The following ZNF584 variants were observed in gnomAD, a reference collection of about 807,000 sequenced individuals.
The protein encoded by ZNF584 is zinc finger protein 584.
ZNF584 carries 12 observed loss-of-function variants against 14.7 expected under a neutral mutation model. The observed-to-expected ratio is 0.82, with a 90% CI of 0.52 to 1.32. The LOEUF (loss-of-function observed/expected upper bound fraction) is 1.32. Among genes scored for constraint, ZNF584 ranks in the 40% most tolerant of loss-of-function variants. The probability of loss-of-function intolerance (pLI) is 0.00; values close to 1 mark genes in which losing one functional copy is unlikely to be tolerated. For missense variants in ZNF584, 478 were observed against 518.8 expected, an observed-to-expected ratio of 0.92 and a Z score of 0.76; for synonymous variants, 204 against 190.9, an observed-to-expected ratio of 1.07 and a Z score of -0.57.
chr19:58,416,117 G>A (rs1198987732), intron 3 of ZNF584: 2 of 655,022 alleles, frequency 3.1e-6, no homozygotes, highest in Non-Finnish European at 5.1e-6. Context: ...TCTCTTCCCT[G>A]CACCATATCC....
intron 2 of ZNF584, 144 bp downstream of exon 2, chr19:58,410,235 T>C (rs181380119): frequency 9.1e-7 from 1 of 1,096,916 alleles, no homozygotes; most frequent in Admixed American, 3.1e-5. Context: ...TGGGACTCGG[T>C]GGTGGGACTC....
rs2052671060 is a variant in ZNF584 at position 58,418,173 on chromosome 19, G to C, written c.*389G>C. ...TGACCCACCTCTGGCCGGAGGAGCT[G>C]AGCTGGTATCTGCTGGGGGCTTCCT... On this transcript the variant is annotated 3_prime_UTR_variant, in exon 4 of 4. Coordinates refer to ENST00000306910, the MANE Select transcript of ZNF584 (RefSeq NM_173548.3). 1 of 226,822 alleles carries C rather than the reference G, an allele frequency of 4.4e-6. No individual in the cohort carries two copies. Among genetic ancestry groups the C allele is most frequent in the Non-Finnish European group, 8.7e-6 (1 of 114,908 alleles). 14.1% of individuals were successfully genotyped at this position (226,822 alleles called of 1,614,324 possible).
At position 58,415,664 on chromosome 19, in the gene ZNF584, G is replaced by C; in HGVS notation, c.292+18G>C. 7 of 1,612,394 alleles carry C rather than the reference G, an allele frequency of 4.3e-6. No individual in the cohort carries two copies. The highest frequency in any genetic ancestry group is 5.9e-6 in the Non-Finnish European group (7 of 1,178,840). On this transcript the variant is annotated intron_variant, in intron 3 of 3. Coordinates refer to ENST00000306910, the MANE Select transcript of ZNF584 (RefSeq NM_173548.3). ...TGGTCTTGGTAAGTGGAGTGGAGGG[G>C]AATACCTTGGTTTCAGCAGTGGGCT...
chr19:58,410,539 A>ATG lies in ZNF584; in HGVS notation c.169+449_169+450insGT, dbSNP rs1555785512. 9.8e-4 allele frequency among the ~76,000 whole-genome samples: 38 copies of ATG among 38,708 alleles called. 2 individuals carry two copies. The highest frequency in any genetic ancestry group is 4.4e-3 in the African/African-American group (35 of 7,924). 25.4% of individuals were successfully genotyped at this position (38,708 alleles called of 152,430 possible). A position where few individuals can be genotyped will look rare whatever the true frequency, so the allele number is the denominator to read the frequency against. The stretch of plus-strand genomic sequence containing the variant: ...GGGAAATATATATATATATATATAT[A>ATG]TATATATATATATATATATGTGTAT... On this transcript the variant is annotated intron_variant, in intron 2 of 3. Transcript: ENST00000306910.
At chr19:58,402,854 G>A (rs1275278396) in intron 1 of ZNF584, among the ~76,000 whole-genome samples, 3 of 141,518 alleles carry the variant, frequency 2.1e-5, no homozygotes, top group Non-Finnish European at 4.5e-5. Flanking sequence ...AAAAAAGGCC[G>A]TAGGTCTGAA....
In ZNF584 at chr19:58,417,043, T is replaced by C; in HGVS notation, c.525T>C (p.Leu175=). 1 of 1,612,308 alleles carries C rather than the reference T, an allele frequency of 6.2e-7. No homozygotes were observed. Among genetic ancestry groups the C allele is most frequent in the Non-Finnish European group, 8.5e-7 (1 of 1,178,778 alleles). Residue 175 remains leucine (L), a synonymous_variant, in exon 4 of 4, where the codon CTT becomes CTC. Coordinates refer to ENST00000306910, the MANE Select transcript of ZNF584 (RefSeq NM_173548.3). ...TGTTCTTAAAGGCCTTTGCCCTCCT[T>C]GACCATCTGATAACGCATTCTGAAG... ...GKVFLKAFAL[L]DHLITHSEER... is the part of the protein sequence containing the mutation.
rs866374904 is a variant in ZNF584, at chr19:58,410,745, G to A, written c.169+654G>A. Among the ~76,000 whole-genome samples the A allele has an allele frequency of 2.7e-3, 82 of 30,438 alleles. 11 individuals are homozygous for A. The highest frequency in any genetic ancestry group is 6.0e-3 in the East Asian group (10 of 1,674). 20.0% of individuals were successfully genotyped at this position (30,438 alleles called of 152,430 possible). A position where few individuals can be genotyped will look rare whatever the true frequency, so the allele number is the denominator to read the frequency against. On this transcript the variant is annotated intron_variant, in intron 2 of 3. Transcript: ENST00000306910. ...TATATATGTATATATATATATGTGT[G>A]TATATATATATATATATGTATATAT...
intron 2 of ZNF584, among the ~76,000 whole-genome samples, chr19:58,411,891 G>A (rs1438390588): frequency 6.6e-6 from 1 of 150,928 alleles, no homozygotes; most frequent in Non-Finnish European, 1.5e-5. Context: ...ATCTGCCCCC[G>A]TCGGCCTCCC....
upstream of ZNF584, among the ~76,000 whole-genome samples, chr19:58,407,505 G>A (rs1171932574): frequency 1.3e-5 from 2 of 152,234 alleles, no homozygotes; most frequent in African/African-American, 4.8e-5. Flanking sequence ...GGTAGAATGT[G>A]TGGGGTGTCC....
At chr19:58,415,418 G>A (rs868826740) in intron 2 of ZNF584, 106 bp from the exon 3 acceptor site, 25 of 1,387,928 alleles carry the variant, frequency 1.8e-5, no homozygotes, top group Middle Eastern at 2.1e-4. Context: ...GGCTGGTTGC[G>A]AACGTCTGGG....
upstream of ZNF584, chr19:58,406,052 C>CA (rs2052469865): frequency 6.1e-6 from 1 of 164,780 alleles, no homozygotes. Flanking sequence ...CCAGCCTGGA[C>CA]ACCATTGAGC....
upstream of ZNF584, among the ~76,000 whole-genome samples, chr19:58,403,869 T>C (rs1375734466): frequency 6.8e-6 from 1 of 147,618 alleles, no homozygotes; most frequent in Non-Finnish European, 1.5e-5. Context: ...TTCGTGAGGC[T>C]GAGACAGAAT....
In ZNF584 at chr19:58,417,913, C is replaced by A; in HGVS notation, c.*129C>A. 8.1e-7 allele frequency: 1 copy of A among 1,239,292 alleles called. No individual in the cohort carries two copies. Among genetic ancestry groups the A allele is most frequent in the Non-Finnish European group, 1.1e-6 (1 of 895,720 alleles). 76.8% of individuals were successfully genotyped at this position (1,239,292 alleles called of 1,614,324 possible). ...ACCCCAGGGAGAGTTCCCGTGTGTGCCTGGTGTGTGGGACGCTTTCGGGAG... is the reference window on the plus strand; with the variant it reads ...ACCCCAGGGAGAGTTCCCGTGTGTGACTGGTGTGTGGGACGCTTTCGGGAG... On this transcript the variant is annotated 3_prime_UTR_variant, in exon 4 of 4. Transcript: ENST00000306910.
intron 2 of ZNF584, among the ~76,000 whole-genome samples, chr19:58,413,787 C>G (rs2052606248): frequency 1.3e-5 from 2 of 151,996 alleles, no homozygotes; most frequent in South Asian, 4.2e-4. Flanking sequence ...AGGCGTGAGC[C>G]ACCACCCGGC....
Position 58,416,693 on chromosome 19 carries a change from C to T in ZNF584, c.293-118C>T, listed in dbSNP as rs1021848541. ...CTGGGATTACAGGCGTGAGCCACCA[C>T]GCCTGGCCCTTTCAGCAGTTCTATG... On this transcript the variant is annotated intron_variant, in intron 3 of 3. Transcript: ENST00000306910. The T allele has an allele frequency of 3.8e-5, 51 of 1,341,240 alleles. No individual in the cohort carries two copies. In the African/African-American group the frequency reaches 4.2e-4, roughly 11 times the overall value. The allele number at this position is 1,341,240 out of a possible 1,614,324, so 83.1% of individuals were successfully genotyped here.
intron 2 of ZNF584, among the ~76,000 whole-genome samples, chr19:58,411,977 G>GTT (rs869258960): frequency 2.6e-3 from 227 of 88,652 alleles, no homozygotes; most frequent in East Asian, 4.5e-3. Context: ...TATAATACTT[G>GTT]TTTTTTTTTT....
intron 1 of ZNF584, among the ~76,000 whole-genome samples, chr19:58,401,885 C>CAAAAAAA (rs781429177): frequency 0.13 from 8,461 of 66,786 alleles, 897 homozygotes; most frequent in East Asian, 0.31. Context: ...TGAGACTCCT[C>CAAAAAAA]AAAAAAAAAA....
upstream of ZNF584, chr19:58,405,570 G>A (rs1013386182): frequency 2.5e-5 from 4 of 162,288 alleles, no homozygotes; most frequent in Non-Finnish European, 5.3e-5. Flanking sequence ...CTGGGCGGAG[G>A]GGCTCCTCAC....
At chr19:58,405,907 G>A (rs1176080441), upstream of ZNF584, 3 of 163,636 alleles carry the variant, frequency 1.8e-5, no homozygotes, top group South Asian at 1.0e-4. Flanking sequence ...GATGATGGGC[G>A]GCCAGGCGGA....
Sources: gnomAD v4.1 joint callset for allele counts (sites outside exome capture counted in the v4.1 genomes callset) on GRCh38, gnomAD v4.1.1 for gene constraint, MANE v1.5 for transcripts, NCBI Gene and HGNC (gene_info 2026-07-23, HGNC 2026-07-21) for gene names.